Variants in DIAPH3 observed in about 807,000 individuals in gnomAD.
DIAPH3 encodes diaphanous related formin 3, also known as protein diaphanous homolog 3.
A neutral mutation model predicts 144.3 loss-of-function variants in DIAPH3; 117 were observed. The ratio of observed to expected loss-of-function variants is 0.81; its 90% CI spans 0.70 to 0.95. The LOEUF (loss-of-function observed/expected upper bound fraction) is 0.95. Ranked by LOEUF, DIAPH3 falls within the 40% of genes least tolerant of loss-of-function variation. The pLI, the probability that DIAPH3 is intolerant of heterozygous loss-of-function variation, is 0.00. For missense variants in DIAPH3, 1,421 were observed against 1,412.7 expected, an observed-to-expected ratio of 1.01 and a Z score of -0.09; for synonymous variants, 519 against 488.9, an observed-to-expected ratio of 1.06 and a Z score of -0.81.
intron 27 of DIAPH3, among the ~76,000 whole-genome samples, chr13:59,751,133 T>C (rs1773553215): frequency 6.6e-6 from 1 of 152,264 alleles, no homozygotes; most frequent in Non-Finnish European, 1.5e-5. Context: ...GAACAACAAA[T>C]GGCTACAATT....
chr13:60,158,498 A>T (rs1952130340), intron 1 of DIAPH3, among the ~76,000 whole-genome samples: 1 of 152,142 alleles, frequency 6.6e-6, no homozygotes, highest in Admixed American at 6.5e-5. Flanking sequence ...TCAGACATAG[A>T]TTCAATCTCC....
At chr13:59,853,922 T>G (rs946822492) in intron 22 of DIAPH3, among the ~76,000 whole-genome samples, 1 of 152,274 alleles carries the variant, frequency 6.6e-6, no homozygotes, top group Admixed American at 6.5e-5. Context: ...GTTATAGGAC[T>G]TATGCCAAAG....
rs538988226 is a variant in DIAPH3, at chr13:59,813,829, C to T, written c.3028-2906G>A. ...GAGCCGAGATCACACCACTGTACTC[C>T]AGCCTGGCAACAGAGCAAGACTTTG... On this transcript the variant is annotated intron_variant, in intron 24 of 27. Transcript: ENST00000400324. Among the ~76,000 whole-genome samples the T allele has an allele frequency of 1.9e-4, 28 of 147,150 alleles. 1 individual carries two copies. The South Asian group carries it at 5.9e-3, about 31-fold the overall frequency.
rs1324633645 is a variant in DIAPH3, at chr13:60,156,918, C to CACATATATATATATATATATATATATAT, written c.180+6668_180+6669insATATATATATATATATATATATATATGT. 8.0e-4 allele frequency among the ~76,000 whole-genome samples: 44 copies of CACATATATATATATATATATATATATAT among 55,332 alleles called. 5 individuals carry two copies. The highest frequency in any genetic ancestry group is 1.4e-3 in the Admixed American group (5 of 3,494). 36.3% of individuals were successfully genotyped at this position (55,332 alleles called of 152,430 possible). On this transcript the variant is annotated intron_variant, in intron 1 of 27. Coordinates refer to ENST00000400324, the MANE Select transcript of DIAPH3 (RefSeq NM_001042517.2). ...TAGTGGCCCAGAGACCCAGATCCTT[C>CACATATATATATATATATATATATATAT]ATATATATATATATATATATATTTT...
intron 17 of DIAPH3, 51 bp from the exon 18 acceptor site, chr13:59,924,921 A>C: frequency 6.4e-7 from 1 of 1,553,012 alleles, no homozygotes. Flanking sequence ...ATTCAAATAC[A>C]AAAGTGGAAA....
At chr13:60,131,435 C>CAAAAAAAAAAAAAA (rs777909368) in intron 2 of DIAPH3, among the ~76,000 whole-genome samples, 1 of 29,300 alleles carries the variant, frequency 3.4e-5, no homozygotes, top group Non-Finnish European at 8.3e-5. Flanking sequence ...GACCCTGTCT[C>CAAAAAAAAAAAAAA]AAAAAAAAAA....
chr13:59,679,918 C>T (rs571881970), intron 27 of DIAPH3, among the ~76,000 whole-genome samples: 5 of 152,186 alleles, frequency 3.3e-5, no homozygotes, highest in Admixed American at 3.3e-4. Flanking sequence ...AGAATGTTCT[C>T]TTTTTTATTT....
At chr13:59,981,334 C>T (rs917321497) in intron 13 of DIAPH3, among the ~76,000 whole-genome samples, 6 of 151,112 alleles carry the variant, frequency 4.0e-5, no homozygotes, top group East Asian at 3.9e-4. Context: ...ACTGATAATG[C>T]CAAGTGTTGG....
chr13:60,145,688 G>A (rs1478385994), intron 1 of DIAPH3, among the ~76,000 whole-genome samples: 1 of 151,974 alleles, frequency 6.6e-6, no homozygotes, highest in Non-Finnish European at 1.5e-5. Flanking sequence ...ATGGAGGGGG[G>A]TTGCAATTTC....
intron 2 of DIAPH3, 71 bp downstream of exon 2, chr13:60,132,886 G>A: frequency 7.7e-7 from 1 of 1,295,238 alleles, no homozygotes; most frequent in Non-Finnish European, 1.1e-6. Context: ...AAAGATGTTA[G>A]CAGAGCACAC....
At chr13:59,809,750 G>A (rs978759931) in intron 25 of DIAPH3, among the ~76,000 whole-genome samples, 26 of 152,206 alleles carry the variant, frequency 1.7e-4, no homozygotes, top group Admixed American at 4.6e-4. Flanking sequence ...TAAGGTACTC[G>A]TTTCGCTTTA....
At chr13:59,800,978 A>G (rs138479103) in intron 25 of DIAPH3, among the ~76,000 whole-genome samples, 2 of 152,332 alleles carry the variant, frequency 1.3e-5, no homozygotes, top group African/African-American at 4.8e-5. Context: ...TTTTGAGAGA[A>G]GAGCATTAGT....
At chr13:60,103,393 T>A (rs1202931592) in intron 3 of DIAPH3, among the ~76,000 whole-genome samples, 2 of 152,132 alleles carry the variant, frequency 1.3e-5, no homozygotes, top group Non-Finnish European at 2.9e-5. Flanking sequence ...TCAGATTAAA[T>A]TTAAAATGAT....
intron 17 of DIAPH3, among the ~76,000 whole-genome samples, chr13:59,935,457 C>A (rs921145112): frequency 3.3e-5 from 5 of 152,020 alleles, no homozygotes; most frequent in Admixed American, 1.3e-4. Flanking sequence ...GAGAAAAAAA[C>A]TAAATTTCTG....
chr13:59,834,653 A>T (rs1443753187), intron 23 of DIAPH3, among the ~76,000 whole-genome samples: 1 of 151,764 alleles, frequency 6.6e-6, no homozygotes, highest in Non-Finnish European at 1.5e-5. Context: ...CTTCATCATC[A>T]TCTTCATCTA....
At chr13:59,972,442 T>C (rs1408252548) in intron 15 of DIAPH3, among the ~76,000 whole-genome samples, 1 of 152,174 alleles carries the variant, frequency 6.6e-6, no homozygotes, top group Non-Finnish European at 1.5e-5. Context: ...TCTAACTACC[T>C]TTAACATTTA....
intron 21 of DIAPH3, among the ~76,000 whole-genome samples, chr13:59,873,252 C>T (rs2044389031): frequency 6.6e-6 from 1 of 151,966 alleles, no homozygotes; most frequent in South Asian, 2.1e-4. Flanking sequence ...TATAATTTTG[C>T]CAACCTAATA....
In DIAPH3 at chr13:60,017,510, TACA is replaced by T. The variant is rs569504235; in HGVS notation, c.627-1368_627-1366del. On this transcript the variant is annotated intron_variant, in intron 5 of 27. Transcript: ENST00000400324. ...ACCAAAATATCATTTTTTCTTAAGA[TACA>T]ACATTTCCAGTGAAAAGAGAATAAA... 1.6e-4 allele frequency among the ~76,000 whole-genome samples: 24 copies of T among 152,074 alleles called. 1 individual carries two copies. The highest frequency in any genetic ancestry group is 7.7e-4 in the East Asian group (4 of 5,186).
At chr13:59,960,850 T>G (rs148703981) in intron 17 of DIAPH3, among the ~76,000 whole-genome samples, 2,099 of 150,134 alleles carry the variant, frequency 0.014, 24 homozygotes, top group Non-Finnish European at 0.021. Flanking sequence ...AGTCATCAAC[T>G]GAAAGGAAAA....
Sources: gnomAD v4.1 joint callset for allele counts (sites outside exome capture counted in the v4.1 genomes callset) on GRCh38, gnomAD v4.1.1 for gene constraint, MANE v1.5 for transcripts, NCBI Gene and HGNC (gene_info 2026-07-23, HGNC 2026-07-21) for gene names.